CCDC88C: variants seen among roughly 807,000 people sequenced by gnomAD.
CCDC88C encodes protein Daple.
In CCDC88C, 131 loss-of-function variants were observed where a neutral mutation model predicts 198.8. The observed-to-expected ratio is 0.66, with a 90% CI of 0.57 to 0.76. CCDC88C has a LOEUF of 0.76. Ranked by LOEUF, CCDC88C falls within the 30% of genes least tolerant of loss-of-function variation. The pLI, the probability that CCDC88C is intolerant of heterozygous loss-of-function variation, is 0.00. For synonymous variants in CCDC88C, 1,166 were observed against 1,114.7 expected (o/e 1.05, Z -0.92); for missense variants, 2,553 against 2,631.6 (o/e 0.97, Z 0.65).
intron 4 of CCDC88C, among the ~76,000 whole-genome samples, chr14:91,354,045 G>A (rs1893930723): frequency 6.6e-6 from 1 of 152,174 alleles, no homozygotes; most frequent in Non-Finnish European, 1.5e-5. Flanking sequence ...CGCCTATGGG[G>A]ACCTCCATGC....
rs546431574 is a variant in CCDC88C at position 91,321,385 on chromosome 14, C to T, written c.1343-81G>A. The T allele has an allele frequency of 2.8e-6, 4 of 1,444,830 alleles. No homozygotes were observed. In the Admixed American group the frequency reaches 7.9e-5, roughly 28 times the overall value. The allele number at this position is 1,444,830 out of a possible 1,614,324, so 89.5% of individuals were successfully genotyped here. On this transcript the variant is annotated intron_variant, in intron 12 of 29. Transcript: ENST00000389857. ...CTGCCCCAAGCTCCGAGATGGTCAT[C>T]AGTCCCGGAGTCCAGGGTCTAAGGG...
intron 19 of CCDC88C, among the ~76,000 whole-genome samples, chr14:91,304,464 C>G (rs1450892067): frequency 1.3e-5 from 2 of 152,156 alleles, no homozygotes; most frequent in African/African-American, 2.4e-5. Flanking sequence ...TGTTGTATGC[C>G]TATAGTCCCA....
At chr14:91,320,684 T>G (rs1892317768) in intron 13 of CCDC88C, among the ~76,000 whole-genome samples, 1 of 152,130 alleles carries the variant, frequency 6.6e-6, no homozygotes, top group African/African-American at 2.4e-5. Flanking sequence ...AGTTAAATTG[T>G]AGGATACCCA....
In CCDC88C at chr14:91,325,562, A is replaced by G. The variant is rs1431223681; in HGVS notation, c.1197+348T>C. Among the ~76,000 whole-genome samples the G allele has an allele frequency of 6.6e-6, 1 of 152,046 alleles. No homozygotes were observed. The highest frequency in any genetic ancestry group is 1.5e-5 in the Non-Finnish European group (1 of 67,996). On this transcript the variant is annotated intron_variant, in intron 11 of 29. Coordinates refer to ENST00000389857, the MANE Select transcript of CCDC88C (RefSeq NM_001080414.4). The surrounding 1 kb of genome is among the most constrained non-coding windows in gnomAD (Gnocchi z 4.1). Reference sequence around the variant, plus strand: ...CACGCCATAAACCTGAACCTGCCCCAATCGGTTTTCTTTTCTTTCTTTCTT... The same window carrying G: ...CACGCCATAAACCTGAACCTGCCCCGATCGGTTTTCTTTTCTTTCTTTCTT...
intron 3 of CCDC88C, among the ~76,000 whole-genome samples, chr14:91,360,170 C>T (rs931832879): frequency 2.0e-5 from 3 of 151,712 alleles, no homozygotes; most frequent in East Asian, 3.9e-4. Context: ...GTAGTCTCAA[C>T]GCTTTGGGTG....
intron 11 of CCDC88C, 36 bp from the exon 12 acceptor site, chr14:91,324,959 C>T (rs115561940): frequency 6.2e-7 from 1 of 1,611,524 alleles, no homozygotes. Context: ...AGTGAGGCTG[C>T]ACAGCTGGAG....
intron 29 of CCDC88C, among the ~76,000 whole-genome samples, chr14:91,275,609 C>T (rs924689478): frequency 6.6e-6 from 1 of 151,756 alleles, no homozygotes; most frequent in Non-Finnish European, 1.5e-5. Flanking sequence ...TCCCGAGTAG[C>T]TGGGATCACA....
In CCDC88C at chr14:91,293,546, T is replaced by TCCCATCCTCA. The variant is rs1567055834; in HGVS notation, c.4112+626_4112+627insTGAGGATGGG. Among the ~76,000 whole-genome samples, 24 of 20,818 alleles carry TCCCATCCTCA rather than the reference T, an allele frequency of 1.2e-3. 3 individuals are homozygous for TCCCATCCTCA. The highest frequency in any genetic ancestry group is 9.3e-4 in the Non-Finnish European group (10 of 10,792). 13.7% of individuals were successfully genotyped at this position (20,818 alleles called of 152,430 possible). A position where few individuals can be genotyped will look rare whatever the true frequency, so the allele number is the denominator to read the frequency against. ...TCCCCTCACCTGCCACGGCCCACCT[T>TCCCATCCTCA]CCTGTCCCCTCGCCTGCCACGGCCC... On this transcript the variant is annotated intron_variant, in intron 23 of 29. Transcript: ENST00000389857.
intron 2 of CCDC88C, among the ~76,000 whole-genome samples, chr14:91,412,825 G>T (rs1886857633): frequency 6.6e-6 from 1 of 152,094 alleles, no homozygotes; most frequent in Non-Finnish European, 1.5e-5. Context: ...GGTAAAAATT[G>T]TTTTTTCCCA....
At chr14:91,342,786 C>T (rs1033394536) in intron 5 of CCDC88C, among the ~76,000 whole-genome samples, 16 of 152,164 alleles carry the variant, frequency 1.1e-4, no homozygotes, top group Non-Finnish European at 2.2e-4. Context: ...TACAGAAAGA[C>T]GGGGGACACC....
At chr14:91,368,508 A>G (rs758298699) in intron 3 of CCDC88C, among the ~76,000 whole-genome samples, 5 of 152,246 alleles carry the variant, frequency 3.3e-5, no homozygotes, top group Non-Finnish European at 5.9e-5. Flanking sequence ...CAAACTAAGC[A>G]AAAGTAAATT....
chr14:91,303,697 C>A lies in CCDC88C; in HGVS notation c.3635+4G>T. The A allele has an allele frequency of 6.4e-7, 1 of 1,574,180 alleles. No individual in the cohort carries two copies. The highest frequency in any genetic ancestry group is 8.6e-7 in the Non-Finnish European group (1 of 1,158,020). Reference sequence around the variant, plus strand: ...CCAGATCCCCTTCCTTCCCCAGGCCCTACCTCTCCCCGAGCTCCTTGTGCT... The same window carrying A: ...CCAGATCCCCTTCCTTCCCCAGGCCATACCTCTCCCCGAGCTCCTTGTGCT... On this transcript the variant is annotated splice_donor_region_variant and intron_variant, in intron 20 of 29. Transcript: ENST00000389857.
chr14:91,333,087 GAC>G (rs949755084), intron 10 of CCDC88C, among the ~76,000 whole-genome samples: 1 of 152,240 alleles, frequency 6.6e-6, no homozygotes, highest in African/African-American at 2.4e-5. Context: ...TAAAGAGAGA[GAC>G]ACACGCAGAT....
chr14:91,293,097 T>C (rs955582881), intron 23 of CCDC88C, among the ~76,000 whole-genome samples: 1 of 30,266 alleles, frequency 3.3e-5, no homozygotes, highest in Admixed American at 3.9e-4. Context: ...TGTCCTCACC[T>C]GCCACGGCCC....
intron 12 of CCDC88C, among the ~76,000 whole-genome samples, chr14:91,322,450 CCAGCA>C (rs1390416685): frequency 6.6e-6 from 1 of 151,948 alleles, no homozygotes; most frequent in African/African-American, 2.4e-5. Context: ...TGGCCCCAGC[CCAGCA>C]CTGACACACA....
Position 91,416,801 on chromosome 14 carries a change from TCCTGGCTG to T in CCDC88C, c.90_97del (p.Ser31GlnfsTer32). Reference sequence around the variant, plus strand: ...TAAATCCATGTACATAGTCAGGTTGTCCTGGCTGCCGCTTCCAAACGGGCCAAAAGTTT... The same window carrying T: ...TAAATCCATGTACATAGTCAGGTTGTCCGCTTCCAAACGGGCCAAAAGTTT... On this transcript the variant is annotated frameshift_variant, in exon 2 of 30. Coordinates refer to ENST00000389857, the MANE Select transcript of CCDC88C (RefSeq NM_001080414.4). LOFTEE classifies it high-confidence loss of function. The T allele has an allele frequency of 6.2e-7, 1 of 1,613,708 alleles. No individual in the cohort carries two copies. Among genetic ancestry groups the T allele is most frequent in the Non-Finnish European group, 8.5e-7 (1 of 1,179,790 alleles).
intron 25 of CCDC88C, chr14:91,285,314 C>A (rs560425949): frequency 2.6e-6 from 1 of 387,148 alleles, no homozygotes. Flanking sequence ...AGCAACCACC[C>A]GCCAGTGCTG....
In CCDC88C at chr14:91,288,937, C is replaced by T. The variant is rs1463240762; in HGVS notation, c.4441+168G>A. ...GTAACAAAAGCATTATGGGACAAAA[C>T]GGTCGCCACGCTGAATTTCTACTTG... On this transcript the variant is annotated intron_variant, in intron 25 of 29. Transcript: ENST00000389857. The surrounding 1 kb of genome is among the most constrained non-coding windows in gnomAD (Gnocchi z 4.2). The T allele has an allele frequency of 3.6e-5, 21 of 591,354 alleles. No homozygotes were observed. The highest frequency in any genetic ancestry group is 1.5e-4 in the South Asian group (7 of 46,400). The allele number at this position is 591,354 out of a possible 1,614,324, so 36.6% of individuals were successfully genotyped here.
At position 91,381,355 on chromosome 14, in the gene CCDC88C, T is replaced by C. The variant is rs948364930; in HGVS notation, c.271-21644A>G. On this transcript the variant is annotated intron_variant, in intron 3 of 29. Coordinates refer to ENST00000389857, the MANE Select transcript of CCDC88C (RefSeq NM_001080414.4). This position sits in a 1 kb window ranked among gnomAD's most constrained non-coding sequence, Gnocchi z 4.2. ...AGATGTGACCAACCAGCCCGCAAACTTGGGGAGGAATTTTTTGGGTTTAGG... is the reference window on the plus strand; with the variant it reads ...AGATGTGACCAACCAGCCCGCAAACCTGGGGAGGAATTTTTTGGGTTTAGG... 7.2e-5 allele frequency among the ~76,000 whole-genome samples: 11 copies of C among 152,138 alleles called. No homozygotes were observed. Among genetic ancestry groups the C allele is most frequent in the African/African-American group, 2.7e-4 (11 of 41,416 alleles).
Sources: gnomAD v4.1 joint callset for allele counts (sites outside exome capture counted in the v4.1 genomes callset) on GRCh38, gnomAD v4.1.1 for gene constraint, Gnocchi (gnomAD v3.1) non-coding constraint, MANE v1.5 for transcripts, NCBI Gene and HGNC (gene_info 2026-07-23, HGNC 2026-07-21) for gene names.